ZBED6: variants seen among roughly 807,000 people sequenced by gnomAD.
The protein encoded by ZBED6 is zinc finger BED-type containing 6, also known as zinc finger BED domain-containing protein 6.
ZBED6 carries 40 observed loss-of-function variants against 58.4 expected under a neutral mutation model. The observed-to-expected ratio is 0.68, with a 90% CI of 0.53 to 0.89. The LOEUF (loss-of-function observed/expected upper bound fraction) is 0.89, where lower values mean the gene tolerates loss of function less well. ZBED6 is among the 40% of genes least tolerant of loss of function. ZBED6 has a pLI of 0.00. For synonymous variants in ZBED6, 439 were observed against 350.6 expected (o/e 1.25, Z -2.82); for missense variants, 1,057 against 1,003.9 (o/e 1.05, Z -0.71).
intron 11 of ZBED6, among the ~76,000 whole-genome samples, chr1:203,846,909 C>T (rs1056461366): frequency 6.6e-6 from 1 of 151,530 alleles, no homozygotes; most frequent in African/African-American, 2.4e-5. Context: ...GAGGCTGAGG[C>T]AGGAGAATCA....
chr1:203,808,873 C>T (rs944399736), intron 1 of ZBED6, among the ~76,000 whole-genome samples: 2 of 151,998 alleles, frequency 1.3e-5, no homozygotes, highest in Admixed American at 6.6e-5. Flanking sequence ...TGTTGTTGCC[C>T]AGGATGGAGT....
At chr1:203,847,248 C>G in exon 12 of ZBED6, 2 of 1,613,656 alleles carry the variant, frequency 1.2e-6, no homozygotes, top group Non-Finnish European at 1.7e-6. Flanking sequence ...TTGAAAGAGC[C>G]AGTCAGAAAC....
rs1285463237 is a variant in ZBED6, at chr1:203,849,826, C to T, written c.*4438C>T. 4 of 1,613,844 alleles carry T rather than the reference C, an allele frequency of 2.5e-6. No individual in the cohort carries two copies. In the Admixed American group the frequency reaches 6.7e-5, roughly 27 times the overall value. On this transcript the variant is annotated 3_prime_UTR_variant, in exon 14 of 17. Coordinates refer to ENST00000550078, the Ensembl canonical transcript of ZBED6. ...GAGAGGGAAAAATCAGTCTTGACAC[C>T]TCTTCGGGGAGATGTAGCCTCTTGC...
exon 1 of ZBED6, chr1:203,798,796 A>T: frequency 2.6e-6 from 4 of 1,536,186 alleles, no homozygotes; most frequent in Non-Finnish European, 3.5e-6. Flanking sequence ...ATGCATCCTT[A>T]CAACTATTTC....
At chr1:203,845,307 AT>A (rs1320318241) in intron 11 of ZBED6, among the ~76,000 whole-genome samples, 1 of 152,098 alleles carries the variant, frequency 6.6e-6, no homozygotes, top group Non-Finnish European at 1.5e-5. Flanking sequence ...CTATGTCACC[AT>A]TCATGTTGTA....
rs141153166 is a variant in ZBED6 at position 203,840,354 on chromosome 1, C to T, written c.*3721C>T. The T allele has an allele frequency of 4.6e-4, 740 of 1,612,988 alleles. 3 individuals carry two copies. In the African/African-American group the frequency reaches 8.7e-3, roughly 19 times the overall value. On this transcript the variant is annotated 3_prime_UTR_variant, in exon 11 of 17. Coordinates refer to ENST00000550078, the Ensembl canonical transcript of ZBED6. ...GAGCGATTAGGCATGTCAGCTGATC[C>T]AGATAATGAGGATGCAACAGGTAAG...
chr1:203,836,155 A>G (rs906694038), intron 9 of ZBED6, among the ~76,000 whole-genome samples: 44 of 152,164 alleles, frequency 2.9e-4, no homozygotes, highest in African/African-American at 9.7e-4. Flanking sequence ...AGCTGAGGTT[A>G]GAGGATCCCT....
In ZBED6 at chr1:203,816,622, C is replaced by A. The variant is rs544915598; in HGVS notation, c.*2555-304C>A. ...CTCCAGCCTGGGCAACAGAGTGAGA[C>A]ACTGTCTCTAAAAAGAGTTAAAAAT... On this transcript the variant is annotated intron_variant, in intron 1 of 16. Coordinates refer to ENST00000550078, the Ensembl canonical transcript of ZBED6. Among the ~76,000 whole-genome samples the A allele has an allele frequency of 1.0e-3, 159 of 152,200 alleles. 1 individual carries two copies. The highest frequency in any genetic ancestry group is 3.7e-3 in the African/African-American group (155 of 41,532).
chr1:203,831,513 T>C (rs976328130), intron 7 of ZBED6, 148 bp from the exon 8 acceptor site: 1 of 636,886 alleles, frequency 1.6e-6, no homozygotes, highest in Non-Finnish European at 2.8e-6. Context: ...CATTTGACTG[T>C]AGGCAAACAG....
intron 9 of ZBED6, among the ~76,000 whole-genome samples, chr1:203,834,342 G>A (rs1683491829): frequency 6.6e-6 from 1 of 152,158 alleles, no homozygotes; most frequent in Non-Finnish European, 1.5e-5. Context: ...TGCAATCTCA[G>A]CTCACTGCAA....
exon 1 of ZBED6, chr1:203,800,335 T>C: frequency 1.1e-6 from 1 of 888,596 alleles, no homozygotes; most frequent in Non-Finnish European, 1.8e-6. Flanking sequence ...TTTGACAATA[T>C]AGAACAACTG....
At chr1:203,799,183 A>C (rs1236985993) in exon 1 of ZBED6, 2 of 1,269,354 alleles carry the variant, frequency 1.6e-6, no homozygotes, top group South Asian at 2.5e-5. Flanking sequence ...CTTTCTCCAA[A>C]TTTCCTTATC....
chr1:203,851,027 C>T, intron 15 of ZBED6, 30 bp from the exon 16 acceptor site: 1 of 1,610,784 alleles, frequency 6.2e-7, no homozygotes, highest in Non-Finnish European at 8.5e-7. Context: ...GCCTGACTCT[C>T]ACTGAATTAC....
exon 17 of ZBED6, chr1:203,852,633 A>G: frequency 1.9e-6 from 1 of 539,758 alleles, no homozygotes; most frequent in Non-Finnish European, 3.3e-6. Context: ...TTGAGAAAAA[A>G]GTTCTGTCAT....
chr1:203,847,837 T>A (rs1479415283), intron 12 of ZBED6, 150 bp downstream of exon 12: 6 of 1,125,454 alleles, frequency 5.3e-6, no homozygotes, highest in African/African-American at 1.6e-5. Flanking sequence ...TCAGTAGTGC[T>A]ATGTAGACCT....
intron 13 of ZBED6, 32 bp downstream of exon 13, chr1:203,848,439 A>C (rs1208315071): frequency 6.5e-7 from 1 of 1,548,732 alleles, no homozygotes; most frequent in Non-Finnish European, 8.8e-7. Flanking sequence ...GGTTTTGTTC[A>C]TGGCAAACAA....
At chr1:203,841,522 C>T (rs974146707) in intron 11 of ZBED6, among the ~76,000 whole-genome samples, 41 of 151,900 alleles carry the variant, frequency 2.7e-4, no homozygotes, top group Middle Eastern at 3.2e-3. Context: ...TTTCTTAGTA[C>T]AGAACAAAAT....
rs776213740 is a variant in ZBED6 at position 203,798,122 on chromosome 1, C to T, written c.600C>T (p.Thr200=). Residue 200 remains threonine, a synonymous_variant, in exon 1 of 17, where the codon ACC becomes ACT. Coordinates refer to ENST00000550078, the Ensembl canonical transcript of ZBED6. ...TTGCTAGTGGAGAGGAGGACTTTAC[C>T]TTGGATGTGTCTTTATCTCCCTCTT... is the stretch of plus-strand genomic sequence containing the variant. 3.0e-5 allele frequency: 46 copies of T among 1,536,002 alleles called. 1 individual carries two copies. The South Asian group carries it at 5.2e-4, about 17-fold the overall frequency.
intron 3 of ZBED6, among the ~76,000 whole-genome samples, chr1:203,821,532 G>A (rs2102874732): frequency 6.6e-6 from 1 of 152,004 alleles, no homozygotes; most frequent in Middle Eastern, 3.4e-3. Context: ...TCTGCTTTTT[G>A]GCCTGACAAG....
Sources: gnomAD v4.1 joint callset for allele counts (sites outside exome capture counted in the v4.1 genomes callset) on GRCh38, gnomAD v4.1.1 for gene constraint, MANE v1.5 for transcripts, NCBI Gene and HGNC (gene_info 2026-07-23, HGNC 2026-07-21) for gene names.